The following TRMT11 variants were observed in gnomAD, a reference collection of about 807,000 sequenced individuals.
TRMT11 encodes the protein tRNA methyltransferase 11.
TRMT11 carries 53 observed loss-of-function variants against 62.8 expected under a neutral mutation model. The observed-to-expected ratio is 0.84, with a 90% CI of 0.68 to 1.06. TRMT11 has a LOEUF of 1.06. Among genes scored for constraint, TRMT11 ranks in the 50% least tolerant of loss-of-function variants. The pLI is 0.00. For synonymous variants in TRMT11, 188 were observed against 190.3 expected (o/e 0.99, Z 0.10); for missense variants, 556 against 553.4 (o/e 1.00, Z -0.05).
At chr6:126,153,086 A>G (rs75542195) in intron 21 of TRMT11, among the ~76,000 whole-genome samples, 4,671 of 152,322 alleles carry the variant, frequency 0.031, 156 homozygotes, top group African/African-American at 0.08. Flanking sequence ...TCAAAGATCC[A>G]CAGCATTAGA....
intron 21 of TRMT11, among the ~76,000 whole-genome samples, chr6:126,123,846 TTTG>T (rs1182833421): frequency 1.5e-4 from 23 of 152,068 alleles, no homozygotes; most frequent in Non-Finnish European, 2.5e-4. Context: ...ATTGATTAGG[TTTG>T]TTGTTGTTGT....
At chr6:126,014,830 T>G (rs1794746093) in intron 11 of TRMT11, among the ~76,000 whole-genome samples, 1 of 151,996 alleles carries the variant, frequency 6.6e-6, no homozygotes, top group African/African-American at 2.4e-5. Flanking sequence ...TTCCAAGGAG[T>G]GAAATGACCT....
chr6:126,062,760 A>G (rs1393074227), intron 17 of TRMT11, among the ~76,000 whole-genome samples: 1 of 152,202 alleles, frequency 6.6e-6, no homozygotes, highest in African/African-American at 2.4e-5. Context: ...TTTCCCGTAA[A>G]TGTGTTTCTT....
chr6:126,196,340 G>T (rs1028487901), intron 1 of TRMT11, among the ~76,000 whole-genome samples: 6 of 152,038 alleles, frequency 3.9e-5, no homozygotes, highest in Non-Finnish European at 7.4e-5. Flanking sequence ...ACACAGGAAA[G>T]ATCTACCACT....
chr6:125,992,161 T>C (rs1243802029), intron 1 of TRMT11, among the ~76,000 whole-genome samples: 2 of 152,228 alleles, frequency 1.3e-5, no homozygotes, highest in Admixed American at 6.5e-5. Flanking sequence ...GAAACTTGGG[T>C]TATCATATTT....
At chr6:126,047,878 G>A (rs1362237755) in intron 16 of TRMT11, among the ~76,000 whole-genome samples, 1 of 152,194 alleles carries the variant, frequency 6.6e-6, no homozygotes, top group East Asian at 1.9e-4. Context: ...CAGCTAGCCT[G>A]CTGTTCCCTT....
At chr6:126,042,284 T>C (rs1775902835), downstream of TRMT11, among the ~76,000 whole-genome samples, 4 of 152,306 alleles carry the variant, frequency 2.6e-5, no homozygotes, top group South Asian at 8.3e-4. Context: ...TGCCTTACGA[T>C]GTTCATATGT....
intron 11 of TRMT11, among the ~76,000 whole-genome samples, chr6:126,015,526 A>ATCTTT (rs1794877176): frequency 6.6e-6 from 1 of 152,082 alleles, no homozygotes; most frequent in African/African-American, 2.4e-5. Flanking sequence ...CCTATCACTA[A>ATCTTT]TCTTTTTGAA....
intron 12 of TRMT11, among the ~76,000 whole-genome samples, chr6:126,027,093 A>G (rs1399193328): frequency 1.3e-5 from 2 of 152,164 alleles, no homozygotes; most frequent in Admixed American, 6.5e-5. Flanking sequence ...GGCATGAGCC[A>G]CCGCGCCCGG....
Position 126,159,243 on chromosome 6 carries a change from C to T in TRMT11, c.*1824-15582C>T, listed in dbSNP as rs557257899. Reference sequence around the variant, plus strand: ...GTTTGTCCCCTCCAAACTTTCTTTCCCCTTTGTGCTGGCTAGATCCAAATG... The same window carrying T: ...GTTTGTCCCCTCCAAACTTTCTTTCTCCTTTGTGCTGGCTAGATCCAAATG... On this transcript the variant is annotated intron_variant and NMD_transcript_variant, in intron 21 of 22. Transcript: ENST00000648977. Among the ~76,000 whole-genome samples, 3 of 152,118 alleles carry T rather than the reference C, an allele frequency of 2.0e-5. No homozygotes were observed. In the South Asian group the frequency reaches 6.2e-4, roughly 32 times the overall value.
intron 17 of TRMT11, among the ~76,000 whole-genome samples, chr6:126,111,710 A>T (rs1777534114): frequency 6.6e-6 from 1 of 152,068 alleles, no homozygotes; most frequent in Non-Finnish European, 1.5e-5. Flanking sequence ...GAATGGAGTG[A>T]GTAGGGCTTT....
At chr6:126,068,125 G>C (rs1309267822) in intron 17 of TRMT11, among the ~76,000 whole-genome samples, 1 of 152,004 alleles carries the variant, frequency 6.6e-6, no homozygotes, top group Middle Eastern at 3.2e-3. Flanking sequence ...GTCTTTTAAA[G>C]TCTTTGGCTC....
chr6:126,084,884 T>A (rs896550814), intron 17 of TRMT11, among the ~76,000 whole-genome samples: 2 of 152,072 alleles, frequency 1.3e-5, no homozygotes, highest in African/African-American at 4.8e-5. Flanking sequence ...AGGGTCAAAC[T>A]CATAGAAACA....
At chr6:126,060,207 C>G (rs188166460) in intron 17 of TRMT11, among the ~76,000 whole-genome samples, 330 of 152,244 alleles carry the variant, frequency 2.2e-3, no homozygotes, top group African/African-American at 7.9e-3. Context: ...TTTCTTCATG[C>G]GGTGGACCTG....
intron 21 of TRMT11, among the ~76,000 whole-genome samples, chr6:126,164,460 A>C (rs1282541531): frequency 6.6e-6 from 1 of 152,104 alleles, no homozygotes; most frequent in Non-Finnish European, 1.5e-5. Flanking sequence ...TGCTGATTTG[A>C]GGTGGAGAGT....
chr6:126,238,385 T>C, the TRMT11 span, among the ~76,000 whole-genome samples: 1 of 152,220 alleles, frequency 6.6e-6, no homozygotes, highest in Non-Finnish European at 1.5e-5. Context: ...GCTTTAAATG[T>C]GTCCCAGAGA....
At chr6:126,105,247 T>C (rs1414546742) in intron 17 of TRMT11, among the ~76,000 whole-genome samples, 1 of 152,146 alleles carries the variant, frequency 6.6e-6, no homozygotes, top group Non-Finnish European at 1.5e-5. Context: ...ATGAGCTTTC[T>C]TCATTCTCCT....
intron 21 of TRMT11, among the ~76,000 whole-genome samples, chr6:126,159,496 A>G (rs1206245454): frequency 2.6e-5 from 4 of 152,232 alleles, no homozygotes; most frequent in African/African-American, 9.6e-5. Context: ...CACAAGACAG[A>G]AAGAACTTGG....
chr6:126,210,687 T>G, the TRMT11 span, among the ~76,000 whole-genome samples: 1 of 152,216 alleles, frequency 6.6e-6, no homozygotes, highest in Admixed American at 6.5e-5. Flanking sequence ...CATTTTCTCT[T>G]GGCTGTCTTA....
Sources: allele counts gnomAD v4.1 joint callset (sites outside exome capture counted in the v4.1 genomes callset), GRCh38; gene constraint gnomAD v4.1.1; transcripts MANE v1.5; gene names NCBI Gene and HGNC (gene_info 2026-07-23, HGNC 2026-07-21).